Variants in IL10RB observed in about 807,000 individuals in gnomAD.
IL10RB encodes the protein interleukin-10 receptor subunit beta.
A neutral mutation model predicts 38.7 loss-of-function variants in IL10RB; 30 were observed. That is an observed-to-expected ratio of 0.78 (90% CI 0.58 to 1.05). IL10RB has a LOEUF of 1.05. Ranked by LOEUF, IL10RB falls within the 50% of genes least tolerant of loss-of-function variation. The pLI, the probability that IL10RB is intolerant of heterozygous loss-of-function variation, is 0.00. For missense variants in IL10RB, 328 were observed against 397.1 expected, an observed-to-expected ratio of 0.83 and a Z score of 1.48; for synonymous variants, 142 against 145.9, an observed-to-expected ratio of 0.97 and a Z score of 0.19.
chr21:33,279,439 CAT>C (rs1601831328), intron 3 of IL10RB, among the ~76,000 whole-genome samples: 1 of 152,108 alleles, frequency 6.6e-6, no homozygotes, highest in Non-Finnish European at 1.5e-5. Context: ...ACACCAAAAA[CAT>C]AAAATAGAAA....
At chr21:33,288,531 C>A (rs949929573) in intron 6 of IL10RB, among the ~76,000 whole-genome samples, 5 of 152,088 alleles carry the variant, frequency 3.3e-5, no homozygotes, top group African/African-American at 1.2e-4. Context: ...CCTTCTCCAG[C>A]CTTCACTGCC....
chr21:33,289,607 G>A (rs1057208920), intron 6 of IL10RB, among the ~76,000 whole-genome samples: 3 of 152,146 alleles, frequency 2.0e-5, no homozygotes, highest in Non-Finnish European at 4.4e-5. Flanking sequence ...TGTCAAAATC[G>A]GGCAGGGGAG....
At chr21:33,288,403 A>C in intron 6 of IL10RB, 142 bp downstream of exon 6, 2 of 463,580 alleles carry the variant, frequency 4.3e-6, no homozygotes, top group East Asian at 3.1e-5. Flanking sequence ...ACACACACAC[A>C]CAGACACGCC....
downstream of IL10RB, among the ~76,000 whole-genome samples, chr21:33,301,843 A>G (rs1329122641): frequency 2.0e-5 from 3 of 152,242 alleles, no homozygotes; most frequent in Admixed American, 1.3e-4. Context: ...GAAGTGACAG[A>G]GCCAGGACTT....
At chr21:33,293,508 G>A (rs1433018085) in intron 6 of IL10RB, among the ~76,000 whole-genome samples, 1 of 152,162 alleles carries the variant, frequency 6.6e-6, no homozygotes, top group Non-Finnish European at 1.5e-5. Flanking sequence ...AAGTGTTTCA[G>A]AGCGACTAGA....
downstream of IL10RB, among the ~76,000 whole-genome samples, chr21:33,301,029 G>A (rs1445784804): frequency 6.6e-6 from 1 of 152,214 alleles, no homozygotes; most frequent in Non-Finnish European, 1.5e-5. Context: ...TGGGGAAGAA[G>A]ATGGGCAGAG....
intron 2 of IL10RB, among the ~76,000 whole-genome samples, chr21:33,271,031 T>C (rs369436941): frequency 6.6e-6 from 1 of 152,212 alleles, no homozygotes; most frequent in African/African-American, 2.4e-5. Context: ...TGTTTATCTT[T>C]TATGTTAGCG....
chr21:33,277,668 C>CTTTTTTTTTTT (rs1216043179), intron 3 of IL10RB, among the ~76,000 whole-genome samples: 27 of 92,972 alleles, frequency 2.9e-4, no homozygotes, highest in Non-Finnish European at 4.1e-4. Flanking sequence ...TTCTTTCTTT[C>CTTTTTTTTTTT]TTTTTTTTTT....
At chr21:33,294,227 T>G in intron 6 of IL10RB, 1 of 333,544 alleles carries the variant, frequency 3.0e-6, no homozygotes, top group Non-Finnish European at 6.0e-6. Flanking sequence ...TTTCTCCAGC[T>G]TGACTCATAA....
intron 3 of IL10RB, among the ~76,000 whole-genome samples, chr21:33,278,126 A>G (rs531551150): frequency 6.6e-6 from 1 of 151,022 alleles, no homozygotes; most frequent in South Asian, 2.1e-4. Flanking sequence ...CTGAGGTGGG[A>G]GAGTCATCTG....
intron 2 of IL10RB, 139 bp from the exon 3 acceptor site, chr21:33,276,457 C>A: frequency 1.4e-6 from 1 of 707,116 alleles, no homozygotes; most frequent in South Asian, 1.5e-5. Context: ...CTGAGAAGTT[C>A]TGTTTTGAAG....
At chr21:33,275,090 A>C (rs140544701) in intron 2 of IL10RB, among the ~76,000 whole-genome samples, 1 of 149,308 alleles carries the variant, frequency 6.7e-6, no homozygotes, top group Non-Finnish European at 1.5e-5. Flanking sequence ...GCACTTTTAT[A>C]TTATGGAGAT....
rs941192221 is a variant in IL10RB at position 33,296,828 on chromosome 21, A to G, written c.*471A>G. The G allele has an allele frequency of 3.1e-6, 1 of 327,140 alleles. No homozygotes were observed. Among genetic ancestry groups the G allele is most frequent in the Non-Finnish European group, 6.0e-6 (1 of 167,322 alleles). The allele number at this position is 327,140 out of a possible 1,614,324, so 20.3% of individuals were successfully genotyped here. On this transcript the variant is annotated 3_prime_UTR_variant, in exon 7 of 7. Transcript: ENST00000290200. ...CTAGGCATGATGGCGCATGCCTATAATCCCAGCTACTCGAGTGCCTGAGGC... is the reference window on the plus strand; with the variant it reads ...CTAGGCATGATGGCGCATGCCTATAGTCCCAGCTACTCGAGTGCCTGAGGC...
At chr21:33,285,216 G>A (rs753695526) in intron 5 of IL10RB, among the ~76,000 whole-genome samples, 1 of 152,080 alleles carries the variant, frequency 6.6e-6, no homozygotes, top group Non-Finnish European at 1.5e-5. Flanking sequence ...TTTCTTTATA[G>A]CAGTGCAAAA....
At chr21:33,274,308 C>G (rs569684039) in intron 2 of IL10RB, among the ~76,000 whole-genome samples, 39 of 152,204 alleles carry the variant, frequency 2.6e-4, no homozygotes, top group East Asian at 1.7e-3. Flanking sequence ...GCCTCAGCTT[C>G]CCAAGTAGTG....
rs1989413504 is a variant in IL10RB, at chr21:33,288,230, C to T, written c.773C>T (p.Pro258Leu). The T allele has an allele frequency of 1.9e-6, 3 of 1,614,004 alleles. No homozygotes were observed. The highest frequency in any genetic ancestry group is 2.7e-5 in the African/African-American group (2 of 74,916). ...VYKKTKYAFS[P>L]RNSLPQHLKE... ...AAGAAGACAAAGTACGCCTTCTCCC[C>T]TAGGAATTCTCTTCCACAGCACCTG... The change falls in exon 6 of 7, where the codon CCT (proline) becomes CTT (leucine). Residue 258 changes from proline (P) to leucine (L), a missense_variant. By Grantham distance (98) the Pro-to-Leu change is moderately conservative. Coordinates refer to ENST00000290200, the MANE Select transcript of IL10RB (RefSeq NM_000628.5).
In IL10RB at chr21:33,283,233, C is replaced by T. The variant is rs779485909; in HGVS notation, c.638C>T (p.Thr213Ile). 5 of 1,613,628 alleles carry T rather than the reference C, an allele frequency of 3.1e-6. No homozygotes were observed. The East Asian group carries it at 1.1e-4, about 36-fold the overall frequency. Residue 213 changes from threonine (T) to isoleucine (I), a missense_variant, in exon 5 of 7, where the codon ACC (threonine) becomes ATC (isoleucine). By Grantham distance (89) the Thr-to-Ile change is moderately conservative. Transcript: ENST00000290200. ...EWSEPVCEQT[T>I]HDETVPSWMV... Reference sequence around the variant, plus strand: ...AGTGAGCCTGTCTGTGAGCAAACAACCCATGACGGTAAGCCCTGAGATGCA... The same window carrying T: ...AGTGAGCCTGTCTGTGAGCAAACAATCCATGACGGTAAGCCCTGAGATGCA...
At chr21:33,268,547 G>A (rs372917969) in intron 2 of IL10RB, 30 bp downstream of exon 2, 8 of 1,513,000 alleles carry the variant, frequency 5.3e-6, no homozygotes, top group South Asian at 4.5e-5. Flanking sequence ...TGGCAGGAAC[G>A]CACCGGAGGA....
intron 2 of IL10RB, among the ~76,000 whole-genome samples, chr21:33,273,438 A>G (rs1989115757): frequency 6.6e-6 from 1 of 152,226 alleles, no homozygotes; most frequent in Non-Finnish European, 1.5e-5. Flanking sequence ...TACTTGCGGA[A>G]AAATGGTAGC....
Sources: allele counts gnomAD v4.1 joint callset (sites outside exome capture counted in the v4.1 genomes callset), GRCh38; gene constraint gnomAD v4.1.1; transcripts MANE v1.5; gene names NCBI Gene and HGNC (gene_info 2026-07-23, HGNC 2026-07-21).